Variants in SEC22C observed in about 807,000 individuals in gnomAD.
SEC22C encodes vesicle-trafficking protein SEC22c.
Under a neutral mutation model 34.7 loss-of-function variants are expected in SEC22C, and 29 were observed. The observed-to-expected ratio is 0.84, with a 90% confidence interval of 0.62 to 1.14. The LOEUF (loss-of-function observed/expected upper bound fraction) is 1.14. Ranked by LOEUF, SEC22C falls within the 50% of genes most tolerant of loss-of-function variation. The probability of loss-of-function intolerance (pLI) is 0.00; values close to 1 mark genes in which losing one functional copy is unlikely to be tolerated. For synonymous variants in SEC22C, 117 were observed against 132.8 expected (o/e 0.88, Z 0.82); for missense variants, 337 against 369.0 (o/e 0.91, Z 0.71).
chr3:42,579,035 T>C (rs1704142784), intron 1 of SEC22C, among the ~76,000 whole-genome samples: 1 of 152,236 alleles, frequency 6.6e-6, no homozygotes, highest in African/African-American at 2.4e-5. Flanking sequence ...CCCAGCACTT[T>C]GGGAGGCAGA....
At chr3:42,591,159 C>A (rs1430159235) in intron 1 of SEC22C, 3 of 639,242 alleles carry the variant, frequency 4.7e-6, no homozygotes, top group Non-Finnish European at 5.5e-6. Context: ...GGGGTTCGGT[C>A]CCCCGCCGTC....
intron 1 of SEC22C, 141 bp from the exon 2 acceptor site, chr3:42,569,214 G>T: frequency 1.6e-6 from 1 of 622,638 alleles, no homozygotes; most frequent in Non-Finnish European, 2.9e-6. Flanking sequence ...TTATTTCCCT[G>T]GCCTCTACTG....
rs1490558403 is a variant in SEC22C, at chr3:42,569,125, A to G, written c.-27-52T>C. ...CTGAGGCTCAAATGACAGTGCCAGA[A>G]ATACCCCCACCTGTGAAATGCCCAC... On this transcript the variant is annotated intron_variant, in intron 1 of 6. Coordinates refer to ENST00000264454, the MANE Select transcript of SEC22C (RefSeq NM_032970.4). 3 of 1,203,940 alleles carry G rather than the reference A, an allele frequency of 2.5e-6. No homozygotes were observed. The African/African-American group carries it at 4.6e-5, about 18-fold the overall frequency. The allele number at this position is 1,203,940 out of a possible 1,614,324, so 74.6% of individuals were successfully genotyped here.
chr3:42,593,306 A>G (rs1322707311), intron 1 of SEC22C, among the ~76,000 whole-genome samples: 1 of 152,190 alleles, frequency 6.6e-6, no homozygotes, highest in African/African-American at 2.4e-5. Context: ...AATCCCAGCT[A>G]CTTGGGAGGC....
chr3:42,576,123 G>A (rs774089653), intron 1 of SEC22C, among the ~76,000 whole-genome samples: 5 of 151,780 alleles, frequency 3.3e-5, no homozygotes, highest in African/African-American at 4.8e-5. Context: ...AAGTTAAAAA[G>A]GAAATATAAA....
Position 42,596,429 on chromosome 3 carries a change from C to A in SEC22C, c.-28+4531G>T, listed in dbSNP as rs111586922. 6.8e-3 allele frequency among the ~76,000 whole-genome samples: 1,037 copies of A among 152,342 alleles called. 13 individuals are homozygous for A. Among genetic ancestry groups the A allele is most frequent in the African/African-American group, 0.023 (972 of 41,574 alleles). The stretch of plus-strand genomic sequence containing the variant: ...AGTTCTAATTGCTGGCATAATCACA[C>A]TCTAAAAGGCTGAACCCCAGAATCA... On this transcript the variant is annotated intron_variant, in intron 1 of 6. Coordinates refer to the SEC22C transcript ENST00000417572.
rs184740426 is a variant in SEC22C, at chr3:42,555,136, G to A, written c.711+794C>T. On this transcript the variant is annotated intron_variant, in intron 6 of 6. Coordinates refer to ENST00000264454, the MANE Select transcript of SEC22C (RefSeq NM_032970.4). ...CGAGGCGGGTGGATCACAAGGTCAG[G>A]AGATCGAGACCATCCTGGCTAACAT... 2.9e-3 allele frequency among the ~76,000 whole-genome samples: 444 copies of A among 152,178 alleles called. 3 individuals are homozygous for A. Among genetic ancestry groups the A allele is most frequent in the African/African-American group, 0.01 (429 of 41,506 alleles).
At chr3:42,576,363 A>C (rs1340297779) in intron 1 of SEC22C, among the ~76,000 whole-genome samples, 1 of 152,166 alleles carries the variant, frequency 6.6e-6, no homozygotes, top group African/African-American at 2.4e-5. Context: ...AAATCAATGA[A>C]ATGGAAAATT....
chr3:42,585,292 G>A (rs186494149), upstream of SEC22C, among the ~76,000 whole-genome samples: 3 of 152,278 alleles, frequency 2.0e-5, no homozygotes, highest in Non-Finnish European at 4.4e-5. Context: ...GTGAGATGTA[G>A]TACCTAAAGT....
intron 2 of SEC22C, among the ~76,000 whole-genome samples, chr3:42,566,355 G>A (rs1303787281): frequency 1.3e-5 from 2 of 152,172 alleles, no homozygotes; most frequent in Non-Finnish European, 2.9e-5. Context: ...CCCCTAAAAG[G>A]ACCTCAGCTT....
At chr3:42,579,983 TGAA>T (rs1212282704) in intron 1 of SEC22C, among the ~76,000 whole-genome samples, 3 of 152,220 alleles carry the variant, frequency 2.0e-5, no homozygotes, top group East Asian at 3.9e-4. Flanking sequence ...AAAAGTAGAG[TGAA>T]GTAGTAATCA....
intron 6 of SEC22C, among the ~76,000 whole-genome samples, chr3:42,553,887 AT>A (rs997869526): frequency 3.3e-5 from 5 of 152,058 alleles, no homozygotes; most frequent in African/African-American, 1.2e-4. Context: ...TGCTTTTACT[AT>A]TTTGGTTTCT....
At position 42,599,582 on chromosome 3, in the gene SEC22C, C is replaced by G. The variant is rs965761381; in HGVS notation, c.-28+1378G>C. Among the ~76,000 whole-genome samples, 650 of 150,244 alleles carry G rather than the reference C, an allele frequency of 4.3e-3. 5 individuals are homozygous for G. The highest frequency in any genetic ancestry group is 0.014 in the African/African-American group (592 of 41,082). On this transcript the variant is annotated intron_variant, in intron 1 of 6. Transcript: ENST00000417572. ...TGGCGGGCGCCTGTAGTCCCAGCTACTTGGGAGGCTGAGGCAGGAGAATGG... is the reference window on the plus strand; with the variant it reads ...TGGCGGGCGCCTGTAGTCCCAGCTAGTTGGGAGGCTGAGGCAGGAGAATGG...
At chr3:42,600,972 C>G (rs542607653) in exon 1 of SEC22C, 2 of 1,515,180 alleles carry the variant, frequency 1.3e-6, no homozygotes, top group Middle Eastern at 2.4e-4. Flanking sequence ...CTTTTCTCCC[C>G]CTCTCTCCCA....
intron 1 of SEC22C, among the ~76,000 whole-genome samples, chr3:42,588,986 C>T (rs1294632046): frequency 6.6e-6 from 1 of 151,962 alleles, no homozygotes; most frequent in African/African-American, 2.4e-5. Context: ...GAAAGCAGGC[C>T]GGGCACAGTA....
intron 6 of SEC22C, among the ~76,000 whole-genome samples, chr3:42,553,699 A>G (rs1012231797): frequency 6.6e-6 from 1 of 152,248 alleles, no homozygotes; most frequent in African/African-American, 2.4e-5. Context: ...CACATCTGAA[A>G]GAAGTTAAAG....
intron 4 of SEC22C, among the ~76,000 whole-genome samples, chr3:42,560,116 C>A (rs1364222381): frequency 7.9e-4 from 92 of 116,496 alleles, no homozygotes; most frequent in Non-Finnish European, 1.0e-3. Context: ...CTCTCTCTCT[C>A]TCTCTATATA....
chr3:42,594,422 G>T lies in SEC22C; in HGVS notation c.-28+6538C>A. On this transcript the variant is annotated intron_variant, in intron 1 of 6. Coordinates refer to the SEC22C transcript ENST00000417572. ...TTTTTGCCTGTTTTTTTGCCCATAGGTACCAGCATGTGTTACATAGAAATC... is the reference window on the plus strand; with the variant it reads ...TTTTTGCCTGTTTTTTTGCCCATAGTTACCAGCATGTGTTACATAGAAATC... 6.2e-7 allele frequency: 1 copy of T among 1,611,976 alleles called. No individual in the cohort carries two copies. Among genetic ancestry groups the T allele is most frequent in the Non-Finnish European group, 8.5e-7 (1 of 1,178,788 alleles).
At chr3:42,573,240 A>C (rs751284331) in intron 1 of SEC22C, among the ~76,000 whole-genome samples, 19 of 152,198 alleles carry the variant, frequency 1.2e-4, no homozygotes, top group Non-Finnish European at 2.4e-4. Context: ...AAATAAACCG[A>C]GGAGGCCAGG....
Sources: gnomAD v4.1 joint callset for allele counts (sites outside exome capture counted in the v4.1 genomes callset) on GRCh38, gnomAD v4.1.1 for gene constraint, MANE v1.5 for transcripts, NCBI Gene and HGNC (gene_info 2026-07-23, HGNC 2026-07-21) for gene names.